ESRRG: variants seen among roughly 807,000 people sequenced by gnomAD.
ESRRG encodes the protein estrogen related receptor gamma.
ESRRG carries 13 observed loss-of-function variants against 44.0 expected under a neutral mutation model. The observed-to-expected ratio is 0.30, with a 90% CI of 0.19 to 0.47. ESRRG has a LOEUF of 0.47. Among genes scored for constraint, ESRRG ranks in the 20% least tolerant of loss-of-function variants. The pLI, the probability that ESRRG is intolerant of heterozygous loss-of-function variation, is 1.00. For synonymous variants in ESRRG, 215 were observed against 214.6 expected, an observed-to-expected ratio of 1.00 and a Z score of -0.02; for missense variants, 395 against 580.6, an observed-to-expected ratio of 0.68 and a Z score of 3.29.
At chr1:216,837,707 C>A (rs980114303) in intron 2 of ESRRG, among the ~76,000 whole-genome samples, 3 of 152,170 alleles carry the variant, frequency 2.0e-5, no homozygotes, top group African/African-American at 7.2e-5. Flanking sequence ...AGCCACGAAC[C>A]TTGACCACAG....
rs535427143 is a variant in ESRRG at position 217,078,667 on chromosome 1, G to C, written c.-106+10840C>G. ...CTTATACGTAGTTCCTGTCTCTGCT[G>C]TCCTGACCTACAGTGTACTATATTT... On this transcript the variant is annotated intron_variant, in intron 1 of 7. Transcript: ENST00000359162. Among the ~76,000 whole-genome samples, 39 of 152,288 alleles carry C rather than the reference G, an allele frequency of 2.6e-4. No individual in the cohort carries two copies. In the South Asian group the frequency reaches 7.5e-3, roughly 29 times the overall value.
intron 1 of ESRRG, among the ~76,000 whole-genome samples, chr1:217,135,359 G>T (rs1374840301): frequency 1.3e-5 from 2 of 152,172 alleles, no homozygotes; most frequent in African/African-American, 4.8e-5. Context: ...TGCAAACTCA[G>T]CTGGAAGTTG....
intron 1 of ESRRG, among the ~76,000 whole-genome samples, chr1:216,961,120 C>T (rs968629649): frequency 1.3e-5 from 2 of 152,080 alleles, no homozygotes; most frequent in Non-Finnish European, 2.9e-5. Flanking sequence ...AAAGACGTTG[C>T]CAGATGGTAA....
chr1:217,056,375 T>C (rs1407958054), intron 1 of ESRRG, among the ~76,000 whole-genome samples: 2 of 152,186 alleles, frequency 1.3e-5, no homozygotes, highest in East Asian at 3.9e-4. Flanking sequence ...ATATATTTAT[T>C]TCTGGAAGAA....
chr1:216,591,901 C>T (rs940294919), intron 3 of ESRRG, among the ~76,000 whole-genome samples: 16 of 152,140 alleles, frequency 1.1e-4, no homozygotes, highest in Admixed American at 1.3e-4. Context: ...CTCAATTTAT[C>T]GCACCACAAA....
intron 1 of ESRRG, among the ~76,000 whole-genome samples, chr1:217,007,846 G>A (rs1185844606): frequency 7.9e-5 from 12 of 152,010 alleles, no homozygotes; most frequent in African/African-American, 2.7e-4. Context: ...AATAAGGGGG[G>A]AAAAATCCCA....
chr1:216,506,588 A>G lies in ESRRG; in HGVS notation c.*351T>C, dbSNP rs535690445. On this transcript the variant is annotated 3_prime_UTR_variant, in exon 7 of 7. Coordinates refer to ENST00000408911, the MANE Select transcript of ESRRG (RefSeq NM_001438.4). ...GATGAGAAAAGAGAGGAATGAGAGT[A>G]GGTAAAGAAAAGAAAGAAGGCAGGC... 5 of 469,520 alleles carry G rather than the reference A, an allele frequency of 1.1e-5. No homozygotes were observed. The highest frequency in any genetic ancestry group is 7.8e-5 in the South Asian group (5 of 64,106). The allele number at this position is 469,520 out of a possible 1,614,324, so 29.1% of individuals were successfully genotyped here.
At chr1:216,515,187 G>C (rs188778111) in intron 6 of ESRRG, among the ~76,000 whole-genome samples, 25 of 152,068 alleles carry the variant, frequency 1.6e-4, no homozygotes, top group Admixed American at 1.6e-3. Flanking sequence ...TGGAATTAGA[G>C]AGTAGAAAAT....
intron 2 of ESRRG, among the ~76,000 whole-genome samples, chr1:216,774,963 G>A (rs113547383): frequency 3.4e-3 from 510 of 150,888 alleles, no homozygotes; most frequent in African/African-American, 0.011. Context: ...CAACATGCTC[G>A]GCTATTTTTT....
At chr1:216,679,211 AT>A (rs1329474995) in intron 1 of ESRRG, among the ~76,000 whole-genome samples, 1 of 152,184 alleles carries the variant, frequency 6.6e-6, no homozygotes, top group Non-Finnish European at 1.5e-5. Flanking sequence ...AAAGAAAAAA[AT>A]ATCCCCCTCG....
At chr1:216,866,580 T>A (rs2096165543) in intron 2 of ESRRG, among the ~76,000 whole-genome samples, 1 of 151,852 alleles carries the variant, frequency 6.6e-6, no homozygotes, top group Admixed American at 6.6e-5. Context: ...TTTTTTTATT[T>A]TTTTTCTTTG....
chr1:216,617,582 A>T (rs1268879386), intron 3 of ESRRG, among the ~76,000 whole-genome samples: 1 of 152,154 alleles, frequency 6.6e-6, no homozygotes, highest in Non-Finnish European at 1.5e-5. Flanking sequence ...AAAGGAATCT[A>T]AATTATTTGA....
chr1:216,926,532 G>A (rs1333521473), intron 2 of ESRRG, among the ~76,000 whole-genome samples: 1 of 152,138 alleles, frequency 6.6e-6, no homozygotes, highest in Non-Finnish European at 1.5e-5. Flanking sequence ...AGGAGCGAAG[G>A]GGAAAAAGTT....
intron 3 of ESRRG, among the ~76,000 whole-genome samples, chr1:216,622,886 T>C (rs924500811): frequency 1.7e-4 from 26 of 152,106 alleles, no homozygotes; most frequent in Admixed American, 6.6e-5. Flanking sequence ...GATTAGCATT[T>C]ATTAGAGATA....
intron 2 of ESRRG, among the ~76,000 whole-genome samples, chr1:216,758,898 AT>A (rs199503862): frequency 2.0e-5 from 3 of 151,694 alleles, no homozygotes; most frequent in Admixed American, 6.6e-5. Context: ...CTTACTATAT[AT>A]TTTTTTTCAT....
intron 1 of ESRRG, among the ~76,000 whole-genome samples, chr1:217,013,754 A>AT (rs2078963160): frequency 6.6e-6 from 1 of 151,662 alleles, no homozygotes; most frequent in South Asian, 2.1e-4. Context: ...GCCAGTCACT[A>AT]TTAGCTAAAT....
chr1:217,010,034 T>G (rs2078338047), intron 1 of ESRRG, among the ~76,000 whole-genome samples: 1 of 152,124 alleles, frequency 6.6e-6, no homozygotes, highest in Non-Finnish European at 1.5e-5. Flanking sequence ...TAAATTGCTC[T>G]AACTTACACT....
At chr1:216,771,446 C>G (rs2093374876) in intron 2 of ESRRG, among the ~76,000 whole-genome samples, 1 of 152,056 alleles carries the variant, frequency 6.6e-6, no homozygotes, top group Non-Finnish European at 1.5e-5. Context: ...GGAAGAAGAA[C>G]CTCGCCCTAA....
intron 1 of ESRRG, among the ~76,000 whole-genome samples, chr1:216,990,083 T>C (rs1560385974): frequency 6.6e-6 from 1 of 152,166 alleles, no homozygotes; most frequent in Non-Finnish European, 1.5e-5. Flanking sequence ...AAAAAAAAAT[T>C]GTCTGAACTC....
Sources: gnomAD v4.1 joint callset for allele counts (sites outside exome capture counted in the v4.1 genomes callset) on GRCh38, gnomAD v4.1.1 for gene constraint, MANE v1.5 for transcripts, NCBI Gene and HGNC (gene_info 2026-07-23, HGNC 2026-07-21) for gene names.